DNAH8: variants seen among roughly 807,000 people sequenced by gnomAD.
DNAH8 encodes axonemal beta dynein heavy chain 8.
Under a neutral mutation model 562.1 loss-of-function variants are expected in DNAH8, and 382 were observed. That is an observed-to-expected ratio of 0.68 (90% confidence interval 0.63 to 0.74). The LOEUF is 0.74. Ranked by LOEUF, DNAH8 falls within the 30% of genes least tolerant of loss-of-function variation. The probability of loss-of-function intolerance (pLI) is 0.00; values close to 1 mark genes in which losing one functional copy is unlikely to be tolerated. For synonymous variants in DNAH8, 1,881 were observed against 1,919.4 expected, an observed-to-expected ratio of 0.98 and a Z score of 0.52; for missense variants, 5,203 against 5,620.4, an observed-to-expected ratio of 0.93 and a Z score of 2.37.
intron 53 of DNAH8, among the ~76,000 whole-genome samples, chr6:38,878,522 A>G (rs1360464971): frequency 1.3e-5 from 2 of 152,342 alleles, no homozygotes; most frequent in East Asian, 1.9e-4. Flanking sequence ...AAAAAAATCA[A>G]TGAAACAAAA....
chr6:38,846,669 A>G (rs1775324028), intron 36 of DNAH8, among the ~76,000 whole-genome samples: 1 of 152,134 alleles, frequency 6.6e-6, no homozygotes, highest in African/African-American at 2.4e-5. Context: ...ACCATAGGAT[A>G]TTCAGTACTT....
intron 24 of DNAH8, among the ~76,000 whole-genome samples, chr6:38,810,970 A>AT (rs1771743654): frequency 6.6e-6 from 1 of 151,988 alleles, no homozygotes; most frequent in Admixed American, 6.6e-5. Context: ...GTATTTCTTC[A>AT]TTTTTTTCTG....
At chr6:39,005,972 G>A (rs954416578) in intron 88 of DNAH8, among the ~76,000 whole-genome samples, 1 of 152,254 alleles carries the variant, frequency 6.6e-6, no homozygotes, top group Non-Finnish European at 1.5e-5. Context: ...AATATAGAAA[G>A]TGGGCCACAA....
chr6:38,903,358 G>T (rs1246568889), intron 62 of DNAH8, among the ~76,000 whole-genome samples: 9 of 152,062 alleles, frequency 5.9e-5, no homozygotes, highest in Non-Finnish European at 1.2e-4. Flanking sequence ...GCTGGAGTGA[G>T]AGAGTGAGGG....
At chr6:38,877,496 A>G (rs1487856087) in intron 53 of DNAH8, among the ~76,000 whole-genome samples, 1 of 152,178 alleles carries the variant, frequency 6.6e-6, no homozygotes, top group East Asian at 1.9e-4. Flanking sequence ...TCTGTTGACT[A>G]AAATATTGAG....
chr6:38,886,823 A>G lies in DNAH8; in HGVS notation c.8292A>G (p.Glu2764=). The change falls in exon 57 of 93, where the codon GAA becomes GAG. Residue 2764 remains glutamate (E), a synonymous_variant. Transcript: ENST00000327475. ...ITNEIVRQMM[E]MEGMYSLDKP... ...ATGAGATTGTGCGACAGATGATGGA[A>G]ATGGAAGGAATGTACAGCTTGGACA... The G allele has an allele frequency of 6.2e-7, 1 of 1,614,088 alleles. No individual in the cohort carries two copies. Among genetic ancestry groups the G allele is most frequent in the Non-Finnish European group, 8.5e-7 (1 of 1,179,958 alleles).
chr6:39,000,138 T>C (rs1271682715), intron 88 of DNAH8, among the ~76,000 whole-genome samples: 1 of 152,236 alleles, frequency 6.6e-6, no homozygotes. Context: ...GAGAACTTAC[T>C]GTCTGGCTAA....
intron 1 of DNAH8, among the ~76,000 whole-genome samples, chr6:38,715,954 A>AT (rs1410399802): frequency 2.7e-4 from 10 of 37,522 alleles, no homozygotes; most frequent in Admixed American, 7.2e-4. Context: ...ATATATATAT[A>AT]TATATATTTT....
At position 38,872,923 on chromosome 6, in the gene DNAH8, A is replaced by C. The variant is rs967704640; in HGVS notation, c.7255A>C (p.Ile2419Leu). 3.2e-5 allele frequency: 52 copies of C among 1,613,370 alleles called. No individual in the cohort carries two copies. The highest frequency in any genetic ancestry group is 4.2e-5 in the Non-Finnish European group (50 of 1,179,872). ...KAKKGENIFL[I>L]LDGPVDAIWI... is the part of the protein sequence containing the mutation. ...ATTTTCAGGTGAAAACATTTTCCTC[A>C]TTTTAGATGGTCCTGTGGATGCCAT... Residue 2419 changes from isoleucine to leucine, a missense_variant, in exon 51 of 93, where the codon ATT becomes CTT. Coordinates refer to ENST00000327475, the MANE Select transcript of DNAH8 (RefSeq NM_001206927.2).
At position 38,792,002 on chromosome 6, in the gene DNAH8, C is replaced by T. The variant is rs113432540; in HGVS notation, c.2901+328C>T. 3.6e-3 allele frequency among the ~76,000 whole-genome samples: 551 copies of T among 152,304 alleles called. 3 individuals carry two copies. Among genetic ancestry groups the T allele is most frequent in the Middle Eastern group, 0.024 (7 of 294 alleles). On this transcript the variant is annotated intron_variant, in intron 21 of 92. Transcript: ENST00000327475. The stretch of plus-strand genomic sequence containing the variant: ...GCTTTAACTCCAACATACTTTCCCT[C>T]TAAGTCACTCAGAAACCTGGGAATC...
chr6:38,987,064 G>A (rs1764449191), intron 87 of DNAH8, among the ~76,000 whole-genome samples: 1 of 152,206 alleles, frequency 6.6e-6, no homozygotes, highest in South Asian at 2.1e-4. Context: ...AGGTGAACAA[G>A]GCACCTGGAT....
intron 29 of DNAH8, among the ~76,000 whole-genome samples, chr6:38,827,136 C>T (rs9380782): frequency 6.6e-6 from 1 of 151,814 alleles, no homozygotes. Context: ...ACTTCTACCC[C>T]CATTTCTGTC....
intron 60 of DNAH8, among the ~76,000 whole-genome samples, chr6:38,897,762 C>CA (rs1779800454): frequency 6.6e-6 from 1 of 151,986 alleles, no homozygotes; most frequent in Non-Finnish European, 1.5e-5. Flanking sequence ...GTCCGGGTGA[C>CA]AGAGTACCTT....
chr6:38,920,964 C>T (rs1781658595), intron 70 of DNAH8, among the ~76,000 whole-genome samples: 1 of 152,156 alleles, frequency 6.6e-6, no homozygotes, highest in South Asian at 2.1e-4. Flanking sequence ...GATCACAGCT[C>T]ACTGCAGCCT....
Position 38,951,512 on chromosome 6 carries a change from T to A in DNAH8, c.12443T>A (p.Leu4148Gln), listed in dbSNP as rs1452760078. ...TNQIDALAKK[L>Q]KLECRTISMG... ...CAAATTGATGCATTGGCCAAGAAAC[T>A]GAAACTGGGTAAGACTAGCAATCTA... Residue 4148 changes from leucine (L) to glutamine (Q), a missense_variant, in exon 82 of 93, where the codon CTG becomes CAG. Leu to Gln is a moderately radical substitution (Grantham distance 113). Around this residue, in one of 6 missense-constraint regions of DNAH8, gnomAD observed 1,399 missense variants for 1,518.4 expected, o/e 0.92. Coordinates refer to ENST00000327475, the MANE Select transcript of DNAH8 (RefSeq NM_001206927.2). The A allele has an allele frequency of 6.2e-7, 1 of 1,613,610 alleles. No individual in the cohort carries two copies. The highest frequency in any genetic ancestry group is 2.2e-5 in the East Asian group (1 of 44,876).
chr6:38,864,057 G>A lies in DNAH8; in HGVS notation c.6495G>A (p.Thr2165=), dbSNP rs1338999745. 1 of 1,602,464 alleles carries A rather than the reference G, an allele frequency of 6.2e-7. No individual in the cohort carries two copies. Among genetic ancestry groups the A allele is most frequent in the Non-Finnish European group, 8.5e-7 (1 of 1,177,342 alleles). ...ATCCAGAATTTGGAATCTTCTTAAC[G>A]ATGGTGAGAAAAAAGGCTTTAAATG... ...DLNPEFGIFL[T]MNPGYAGRQE... Residue 2165 remains threonine, a synonymous_variant, in exon 45 of 93, where the codon ACG becomes ACA. Coordinates refer to ENST00000327475, the MANE Select transcript of DNAH8 (RefSeq NM_001206927.2).
intron 89 of DNAH8, among the ~76,000 whole-genome samples, chr6:39,010,822 T>C (rs1272489236): frequency 4.9e-4 from 16 of 32,786 alleles, no homozygotes; most frequent in African/African-American, 1.1e-3. Context: ...CACACACACG[T>C]ATGTATGTAT....
chr6:38,745,690 T>C (rs1328711998), intron 8 of DNAH8, among the ~76,000 whole-genome samples: 1 of 152,238 alleles, frequency 6.6e-6, no homozygotes, highest in Non-Finnish European at 1.5e-5. Context: ...TACATTTGAC[T>C]GTCATGTCTC....
At chr6:39,023,466 C>T (rs1254244172) in intron 91 of DNAH8, among the ~76,000 whole-genome samples, 1 of 152,160 alleles carries the variant, frequency 6.6e-6, no homozygotes, top group East Asian at 1.9e-4. Flanking sequence ...GCACTCCAGC[C>T]TGGGCGACAG....
Sources: allele counts gnomAD v4.1 joint callset (sites outside exome capture counted in the v4.1 genomes callset), GRCh38; gene constraint gnomAD v4.1.1; regional missense constraint gnomAD v4.1.1; transcripts MANE v1.5; gene names NCBI Gene and HGNC (gene_info 2026-07-23, HGNC 2026-07-21).